The following SDK1 variants were observed in gnomAD, a reference collection of about 807,000 sequenced individuals.
SDK1 encodes protein sidekick-1.
Under a neutral mutation model 245.5 loss-of-function variants are expected in SDK1, and 157 were observed. The observed-to-expected ratio is 0.64, with a 90% CI of 0.56 to 0.73. SDK1 has a LOEUF of 0.73. Among genes scored for constraint, SDK1 ranks in the 30% least tolerant of loss-of-function variants. The pLI, the probability that SDK1 is intolerant of heterozygous loss-of-function variation, is 0.00. For synonymous variants in SDK1, 1,647 were observed against 1,278.5 expected (o/e 1.29, Z -6.15); for missense variants, 3,583 against 3,002.3 (o/e 1.19, Z -4.52).
rs188361923 is a variant in SDK1, at chr7:3,723,532, A to G, written c.713+81427A>G. ...TTAGAAACATCAGTGAGAAAATTAT[A>G]TCTGATTTGTTGATATAACCTTATG... On this transcript the variant is annotated intron_variant, in intron 4 of 44. Coordinates refer to ENST00000404826, the MANE Select transcript of SDK1 (RefSeq NM_152744.4). Among the ~76,000 whole-genome samples the G allele has an allele frequency of 1.9e-3, 291 of 152,302 alleles. 5 individuals are homozygous for G. Among genetic ancestry groups the G allele is most frequent in the African/African-American group, 6.4e-3 (265 of 41,566 alleles).
At chr7:3,590,429 C>T (rs925053925) in intron 1 of SDK1, among the ~76,000 whole-genome samples, 1 of 148,448 alleles carries the variant, frequency 6.7e-6, no homozygotes, top group Non-Finnish European at 1.5e-5. Flanking sequence ...TTTAGTTTTA[C>T]ATCATGTAAC....
chr7:3,357,328 GTTTTTTTTTTTTTTTTTTTTTTTTTT>G (rs560124026), intron 1 of SDK1, among the ~76,000 whole-genome samples: 5 of 52,946 alleles, frequency 9.4e-5, no homozygotes, highest in African/African-American at 2.2e-4. Context: ...TTCTTTTAGT[GTTTTTTTTTTTTTTTTTTTTTTTTTT>G]TTTTTTTTTT....
intron 4 of SDK1, among the ~76,000 whole-genome samples, chr7:3,720,542 C>T (rs1183969702): frequency 6.6e-6 from 1 of 152,094 alleles, no homozygotes; most frequent in East Asian, 1.9e-4. Context: ...CACTACAAAC[C>T]CATCAGAATG....
intron 17 of SDK1, among the ~76,000 whole-genome samples, chr7:4,030,708 G>T (rs10253108): frequency 1.3e-5 from 2 of 152,174 alleles, no homozygotes; most frequent in African/African-American, 4.8e-5. Context: ...TGAATGGAGC[G>T]TATGTATTCC....
At chr7:4,052,331 G>A (rs569144181) in intron 19 of SDK1, among the ~76,000 whole-genome samples, 7 of 152,132 alleles carry the variant, frequency 4.6e-5, no homozygotes, top group African/African-American at 9.6e-5. Flanking sequence ...TCTGGAAAAC[G>A]TTAGCTAATG....
intron 16 of SDK1, among the ~76,000 whole-genome samples, chr7:4,015,940 C>T (rs1421703766): frequency 2.0e-5 from 3 of 152,236 alleles, no homozygotes; most frequent in Admixed American, 1.3e-4. Context: ...TTGTGAAGAA[C>T]CTTGTGTGAC....
At chr7:3,780,824 G>T (rs900321642) in intron 4 of SDK1, among the ~76,000 whole-genome samples, 1 of 151,978 alleles carries the variant, frequency 6.6e-6, no homozygotes, top group African/African-American at 2.4e-5. Context: ...GCACTACTCA[G>T]CCAAAAAGCC....
chr7:3,382,289 A>G (rs560417552), intron 1 of SDK1, among the ~76,000 whole-genome samples: 11 of 152,174 alleles, frequency 7.2e-5, no homozygotes, highest in Admixed American at 1.3e-4. Flanking sequence ...CATTTTAAAG[A>G]TGACAAAACC....
rs116663004 is a variant in SDK1, at chr7:3,774,843, C to G, written c.714-46607C>G. Among the ~76,000 whole-genome samples, 467 of 152,366 alleles carry G rather than the reference C, an allele frequency of 3.1e-3. 3 individuals are homozygous for G. The highest frequency in any genetic ancestry group is 0.011 in the African/African-American group (450 of 41,578). ...TATTATCCAGACAACCATGATCCTA[C>G]AAGTCTGACAAACCATGCTGTGACT... is the stretch of plus-strand genomic sequence containing the variant. On this transcript the variant is annotated intron_variant, in intron 4 of 44. Coordinates refer to ENST00000404826, the MANE Select transcript of SDK1 (RefSeq NM_152744.4).
chr7:3,611,270 T>C (rs759629367), intron 1 of SDK1, among the ~76,000 whole-genome samples: 3 of 152,218 alleles, frequency 2.0e-5, no homozygotes, highest in Non-Finnish European at 2.9e-5. Flanking sequence ...TTTGCTGTGA[T>C]AATAGAGCCA....
At chr7:3,514,509 G>C (rs1490689943) in intron 1 of SDK1, among the ~76,000 whole-genome samples, 1 of 152,160 alleles carries the variant, frequency 6.6e-6, no homozygotes, top group Non-Finnish European at 1.5e-5. Flanking sequence ...CGGTCCCACA[G>C]CCATTAGGAC....
At chr7:3,793,826 A>G (rs1007436184) in intron 4 of SDK1, among the ~76,000 whole-genome samples, 13 of 152,148 alleles carry the variant, frequency 8.5e-5, no homozygotes, top group African/African-American at 2.9e-4. Flanking sequence ...GTGGAGAGCC[A>G]TATTTCTGCA....
chr7:3,994,053 A>G (rs1230295248), intron 14 of SDK1, among the ~76,000 whole-genome samples: 2 of 151,806 alleles, frequency 1.3e-5, no homozygotes, highest in Non-Finnish European at 1.5e-5. Context: ...TGAAGGCTCT[A>G]TTTCCCCTCC....
intron 1 of SDK1, among the ~76,000 whole-genome samples, chr7:3,537,794 C>T (rs1470819242): frequency 6.6e-6 from 1 of 152,134 alleles, no homozygotes; most frequent in Non-Finnish European, 1.5e-5. Flanking sequence ...AGACTGTATT[C>T]CTCTTCTGCC....
intron 17 of SDK1, among the ~76,000 whole-genome samples, chr7:4,024,022 A>G (rs1370255103): frequency 1.3e-5 from 2 of 152,358 alleles, no homozygotes; most frequent in African/African-American, 2.4e-5. Flanking sequence ...AAATTATGCT[A>G]TAAATCATCA....
intron 1 of SDK1, among the ~76,000 whole-genome samples, chr7:3,432,636 T>C (rs1174147285): frequency 6.6e-6 from 1 of 152,130 alleles, no homozygotes; most frequent in Non-Finnish European, 1.5e-5. Context: ...CTCAAGGTAA[T>C]ACTTGAATTT....
intron 17 of SDK1, among the ~76,000 whole-genome samples, chr7:4,027,231 A>G (rs924707543): frequency 1.3e-5 from 2 of 152,198 alleles, no homozygotes; most frequent in African/African-American, 4.8e-5. Context: ...ATGGACGATG[A>G]AATTTCACTG....
chr7:3,798,532 G>A (rs978800713), intron 4 of SDK1, among the ~76,000 whole-genome samples: 1 of 152,018 alleles, frequency 6.6e-6, no homozygotes, highest in African/African-American at 2.4e-5. Flanking sequence ...TGACACTCTT[G>A]ATGAGTGCTG....
In SDK1 at chr7:3,870,419, A is replaced by T. The variant is rs191388391; in HGVS notation, c.847+48836A>T. On this transcript the variant is annotated intron_variant, in intron 5 of 44. Coordinates refer to ENST00000404826, the MANE Select transcript of SDK1 (RefSeq NM_152744.4). ...TAAGGATGTAGGTGTTATACTGAAC[A>T]AGAAGGACTTAGCGGGTGTCATAAT... Among the ~76,000 whole-genome samples, 10 of 152,332 alleles carry T rather than the reference A, an allele frequency of 6.6e-5. No individual in the cohort carries two copies. In the East Asian group the frequency reaches 1.9e-3, roughly 29 times the overall value.
Sources: gnomAD v4.1 joint callset for allele counts (sites outside exome capture counted in the v4.1 genomes callset) on GRCh38, gnomAD v4.1.1 for gene constraint, MANE v1.5 for transcripts, NCBI Gene and HGNC (gene_info 2026-07-23, HGNC 2026-07-21) for gene names.